The following PRKAR1B variants were observed in gnomAD, a reference collection of about 807,000 sequenced individuals.
PRKAR1B encodes protein kinase cAMP-dependent type I regulatory subunit beta, also known as cAMP-dependent protein kinase type I-beta regulatory subunit.
PRKAR1B carries 22 observed loss-of-function variants against 46.5 expected under a neutral mutation model. That is an observed-to-expected ratio of 0.47 (90% CI 0.34 to 0.68). The LOEUF (loss-of-function observed/expected upper bound fraction) is 0.68, where lower values mean the gene tolerates loss of function less well. Among genes scored for constraint, PRKAR1B ranks in the 30% least tolerant of loss-of-function variants. The pLI is 0.01. For synonymous variants in PRKAR1B, 259 were observed against 217.7 expected, an observed-to-expected ratio of 1.19 and a Z score of -1.67; for missense variants, 445 against 535.6, an observed-to-expected ratio of 0.83 and a Z score of 1.67.
intron 7 of PRKAR1B, among the ~76,000 whole-genome samples, chr7:589,820 C>T (rs150242827): frequency 4.1e-4 from 63 of 152,362 alleles, no homozygotes; most frequent in East Asian, 3.1e-3. Flanking sequence ...TGCACCCTCA[C>T]GTGAGACTGG....
intron 2 of PRKAR1B, among the ~76,000 whole-genome samples, chr7:707,710 CAG>C (rs1780403729): frequency 6.6e-6 from 1 of 152,166 alleles, no homozygotes; most frequent in Admixed American, 6.5e-5. Flanking sequence ...CAGACACTGT[CAG>C]GGGGCAGAAC....
chr7:552,584 T>C lies in PRKAR1B; in HGVS notation c.892-1114A>G, dbSNP rs947386304. 2.0e-5 allele frequency among the ~76,000 whole-genome samples: 3 copies of C among 152,332 alleles called. 1 individual carries two copies. Among genetic ancestry groups the C allele is most frequent in the African/African-American group, 7.2e-5 (3 of 41,572 alleles). The stretch of plus-strand genomic sequence containing the variant: ...TCCCGGCACCTGTGACCAGGGCATC[T>C]GAGCACCGCGGGACCTGCCCAGAGA... On this transcript the variant is annotated intron_variant, in intron 9 of 10. Coordinates refer to ENST00000537384, the MANE Select transcript of PRKAR1B (RefSeq NM_001164760.2).
chr7:565,998 TC>T (rs1779102705), intron 9 of PRKAR1B, among the ~76,000 whole-genome samples: 1 of 152,198 alleles, frequency 6.6e-6, no homozygotes, highest in South Asian at 2.1e-4. Context: ...CATGGAATTT[TC>T]CTCTCAGTGC....
rs576184054 is a variant in PRKAR1B at position 549,672 on chromosome 7, G to C, written c.*758C>G. The C allele has an allele frequency of 6.6e-6, 1 of 152,238 alleles. No individual in the cohort carries two copies. The highest frequency in any genetic ancestry group is 2.4e-5 in the African/African-American group (1 of 41,426). The allele number at this position is 152,238 out of a possible 1,614,324, so 9.4% of individuals were successfully genotyped here. A position where few individuals can be genotyped will look rare whatever the true frequency, so the allele number is the denominator to read the frequency against. ...TGGACTTTCTAAGAAAGGTGAGGACGGCCTGCTGGAGTCCCGCCAGCCCCT... is the reference window on the plus strand; with the variant it reads ...TGGACTTTCTAAGAAAGGTGAGGACCGCCTGCTGGAGTCCCGCCAGCCCCT... On this transcript the variant is annotated 3_prime_UTR_variant, in exon 11 of 11. Transcript: ENST00000537384.
intron 4 of PRKAR1B, among the ~76,000 whole-genome samples, chr7:620,202 A>AT (rs1299895938): frequency 6.6e-6 from 1 of 152,158 alleles, no homozygotes. Flanking sequence ...TCCAGCTGCA[A>AT]TTTGAAGTGG....
intron 6 of PRKAR1B, among the ~76,000 whole-genome samples, chr7:603,862 T>C (rs1225772102): frequency 6.8e-6 from 1 of 146,938 alleles, no homozygotes; most frequent in African/African-American, 2.5e-5. Context: ...GGACCCAGAA[T>C]GGACAGGGCG....
chr7:630,287 G>A (rs539815734), intron 4 of PRKAR1B, among the ~76,000 whole-genome samples: 1 of 152,310 alleles, frequency 6.6e-6, no homozygotes, highest in South Asian at 2.1e-4. Flanking sequence ...CTGAGGGCTC[G>A]GCCAGCCCCA....
Position 714,562 on chromosome 7 carries a change from G to A in PRKAR1B, c.-22-3035C>T, listed in dbSNP as rs1236013863. 2.6e-5 allele frequency among the ~76,000 whole-genome samples: 4 copies of A among 152,066 alleles called. No homozygotes were observed. Among genetic ancestry groups the A allele is most frequent in the South Asian group, 2.1e-4 (1 of 4,830 alleles). On this transcript the variant is annotated intron_variant, in intron 1 of 10. Transcript: ENST00000537384. The surrounding 1 kb of genome is among the most constrained non-coding windows in gnomAD (Gnocchi z 4.3). ...GCCTCTCTCTTTCACACTTTTCCCC[G>A]CCACTCAGATCCCTGTTCCAGTGGC... is the stretch of plus-strand genomic sequence containing the variant.
chr7:573,886 C>T (rs140185869), intron 9 of PRKAR1B, among the ~76,000 whole-genome samples: 41 of 152,294 alleles, frequency 2.7e-4, no homozygotes, highest in Non-Finnish European at 4.3e-4. Context: ...CCGATGACCC[C>T]GGCGTGGATG....
At chr7:727,073 T>C (rs1781339906) in intron 1 of PRKAR1B, 137 bp downstream of exon 1, 3 of 1,048,200 alleles carry the variant, frequency 2.9e-6, no homozygotes, top group South Asian at 4.4e-5. Context: ...CCGCGCCTGC[T>C]GCCCGCGCTC....
intron 4 of PRKAR1B, among the ~76,000 whole-genome samples, chr7:649,140 G>T (rs1046048376): frequency 6.6e-6 from 1 of 152,086 alleles, no homozygotes; most frequent in Non-Finnish European, 1.5e-5. Flanking sequence ...CTCCAGCCTG[G>T]GTGACAGAGT....
At chr7:703,337 A>G (rs1780156920) in intron 2 of PRKAR1B, among the ~76,000 whole-genome samples, 1 of 152,188 alleles carries the variant, frequency 6.6e-6, no homozygotes, top group Admixed American at 6.5e-5. Context: ...TAGGTATAGC[A>G]AGGGGCCAAA....
At chr7:728,441 C>T (rs1161288849), upstream of PRKAR1B, among the ~76,000 whole-genome samples, 2 of 152,102 alleles carry the variant, frequency 1.3e-5, no homozygotes, top group East Asian at 3.8e-4. Flanking sequence ...ACTGCAGCTG[C>T]GTGGAGAATA....
intron 4 of PRKAR1B, among the ~76,000 whole-genome samples, chr7:629,618 C>T (rs1368875487): frequency 1.0e-5 from 1 of 98,222 alleles, no homozygotes; most frequent in Non-Finnish European, 2.0e-5. Flanking sequence ...CCACGGCCTC[C>T]GAAGGCACCA....
intron 4 of PRKAR1B, among the ~76,000 whole-genome samples, chr7:656,832 C>G (rs1785223848): frequency 6.6e-6 from 1 of 150,962 alleles, no homozygotes; most frequent in South Asian, 2.1e-4. Flanking sequence ...TGAGTGGATG[C>G]ATGAGTCAAT....
At chr7:645,838 A>T (rs1222077149) in intron 4 of PRKAR1B, among the ~76,000 whole-genome samples, 1 of 152,128 alleles carries the variant, frequency 6.6e-6, no homozygotes, top group Non-Finnish European at 1.5e-5. Flanking sequence ...GAGTACAGGC[A>T]GGTTGCCGTC....
rs1321538972 is a variant in PRKAR1B, at chr7:666,231, T to A, written c.440+10998A>T. Among the ~76,000 whole-genome samples the A allele has an allele frequency of 7.7e-6, 1 of 129,790 alleles. No homozygotes were observed. The highest frequency in any genetic ancestry group is 1.5e-5 in the Non-Finnish European group (1 of 66,730). The allele number at this position is 129,790 out of a possible 152,430, so 85.1% of individuals were successfully genotyped here. ...ACTCCCCAAGGCCTGGGACACACGC[T>A]CCAGGGACAGCCTTCATGGTCCTGG... On this transcript the variant is annotated intron_variant, in intron 4 of 10. Coordinates refer to ENST00000537384, the MANE Select transcript of PRKAR1B (RefSeq NM_001164760.2). The surrounding 1 kb of genome is among the most constrained non-coding windows in gnomAD (Gnocchi z 4.9).
chr7:673,397 C>T (rs558977771), intron 4 of PRKAR1B, among the ~76,000 whole-genome samples: 57 of 152,202 alleles, frequency 3.7e-4, no homozygotes, highest in Non-Finnish European at 6.3e-4. Context: ...CGCCTGTAAT[C>T]CCAGCACTTT....
At chr7:641,989 A>G (rs962074409) in intron 4 of PRKAR1B, among the ~76,000 whole-genome samples, 6 of 151,752 alleles carry the variant, frequency 4.0e-5, no homozygotes, top group African/African-American at 1.5e-4. Flanking sequence ...TGCAGCCTCA[A>G]CCTCCCGGGT....
Sources: allele counts gnomAD v4.1 joint callset (sites outside exome capture counted in the v4.1 genomes callset), GRCh38; gene constraint gnomAD v4.1.1; non-coding constraint Gnocchi (gnomAD v3.1); transcripts MANE v1.5; gene names NCBI Gene and HGNC (gene_info 2026-07-23, HGNC 2026-07-21).